The following CACNA1E variants were observed in gnomAD, a reference collection of about 807,000 sequenced individuals.
CACNA1E encodes the protein voltage-dependent R-type calcium channel subunit alpha-1E.
A neutral mutation model predicts 259.2 loss-of-function variants in CACNA1E; 40 were observed. The ratio of observed to expected loss-of-function variants is 0.15; its 90% CI spans 0.12 to 0.20. The LOEUF (loss-of-function observed/expected upper bound fraction) is 0.20. Among genes scored for constraint, CACNA1E ranks in the 10% least tolerant of loss-of-function variants. CACNA1E has a pLI of 1.00. For missense variants in CACNA1E, 1,874 were observed against 3,040.1 expected, an observed-to-expected ratio of 0.62 and a Z score of 9.02; for synonymous variants, 1,104 against 1,138.5, an observed-to-expected ratio of 0.97 and a Z score of 0.61.
chr1:181,756,183 C>A, intron 29 of CACNA1E, 90 bp downstream of exon 29: 1 of 1,285,940 alleles, frequency 7.8e-7, no homozygotes, highest in Non-Finnish European at 1.1e-6. Flanking sequence ...AAGGCTCACG[C>A]TTTGTTATTG....
At chr1:181,399,106 C>T (rs1656900714) in intron 1 of CACNA1E, among the ~76,000 whole-genome samples, 1 of 152,152 alleles carries the variant, frequency 6.6e-6, no homozygotes. Flanking sequence ...GTATTGTGAC[C>T]TTTCCGTCCT....
intron 7 of CACNA1E, among the ~76,000 whole-genome samples, chr1:181,683,188 A>G (rs1650164082): frequency 6.6e-6 from 1 of 152,172 alleles, no homozygotes; most frequent in African/African-American, 2.4e-5. Flanking sequence ...GCATCTTTGC[A>G]TTTTCCAGTC....
intron 2 of CACNA1E, among the ~76,000 whole-genome samples, chr1:181,451,287 C>T (rs959644650): frequency 2.0e-5 from 3 of 152,176 alleles, no homozygotes; most frequent in African/African-American, 7.2e-5. Context: ...GGTTAGTGCC[C>T]TTGCCATACC....
At chr1:181,727,401 A>G (rs986423716) in intron 18 of CACNA1E, among the ~76,000 whole-genome samples, 3 of 152,252 alleles carry the variant, frequency 2.0e-5, no homozygotes, top group Non-Finnish European at 2.9e-5. Flanking sequence ...AAAATCACAT[A>G]CAATGAGGAA....
rs185359642 is a variant in CACNA1E, at chr1:181,364,329, C to T, written c.-15+46206C>T. On this transcript the variant is annotated intron_variant, in intron 1 of 11. Coordinates refer to the CACNA1E transcript ENST00000524607. The stretch of plus-strand genomic sequence containing the variant: ...TTACACCACACTTGTTTATGATGCC[C>T]GTCGTTAATTGTCTCTTGTCCTTAG... 1.1e-3 allele frequency among the ~76,000 whole-genome samples: 173 copies of T among 152,298 alleles called. 1 individual carries two copies. The highest frequency in any genetic ancestry group is 1.1e-3 in the Non-Finnish European group (78 of 68,024).
chr1:181,410,558 A>T (rs981496226), intron 1 of CACNA1E, among the ~76,000 whole-genome samples: 5 of 152,148 alleles, frequency 3.3e-5, no homozygotes, highest in Admixed American at 1.3e-4. Flanking sequence ...AGGCTTTATC[A>T]TGTATGCGCT....
intron 3 of CACNA1E, among the ~76,000 whole-genome samples, chr1:181,535,663 T>C (rs2102752706): frequency 6.6e-6 from 1 of 152,028 alleles, no homozygotes; most frequent in Admixed American, 6.6e-5. Context: ...TGGCTGATAG[T>C]GCTTCCAATA....
At chr1:181,794,761 C>T in intron 45 of CACNA1E, 103 bp from the exon 46 acceptor site, 1 of 980,022 alleles carries the variant, frequency 1.0e-6, no homozygotes, top group Admixed American at 2.7e-5. Flanking sequence ...CCAGGGGTTA[C>T]AATTTGCCTT....
chr1:181,776,494 T>G lies in CACNA1E; in HGVS notation c.5267+266T>G. 1 of 362,274 alleles carries G rather than the reference T, an allele frequency of 2.8e-6. No homozygotes were observed. Among genetic ancestry groups the G allele is most frequent in the Non-Finnish European group, 5.0e-6 (1 of 198,134 alleles). 22.4% of individuals were successfully genotyped at this position (362,274 alleles called of 1,614,324 possible). The stretch of plus-strand genomic sequence containing the variant: ...TCATCCAGTCCTCACCTCAGATTAT[T>G]TGGGCTCAGTCCCAAGAGAACTTTC... On this transcript the variant is annotated intron_variant, in intron 38 of 47. Transcript: ENST00000367573. This position sits in a 1 kb window ranked among gnomAD's most constrained non-coding sequence, Gnocchi z 4.4.
chr1:181,440,160 C>T (rs1212560466), intron 2 of CACNA1E, among the ~76,000 whole-genome samples: 1 of 152,180 alleles, frequency 6.6e-6, no homozygotes, highest in Non-Finnish European at 1.5e-5. Flanking sequence ...AAAATGATCT[C>T]CAGCATTGGG....
At chr1:181,589,378 GAC>G (rs1652402947) in intron 6 of CACNA1E, among the ~76,000 whole-genome samples, 1 of 152,200 alleles carries the variant, frequency 6.6e-6, no homozygotes, top group African/African-American at 2.4e-5. Context: ...TAAAGTGATT[GAC>G]ACACAGTGGG....
chr1:181,724,413 A>T, intron 16 of CACNA1E, 57 bp from the exon 17 acceptor site: 1 of 1,435,964 alleles, frequency 7.0e-7, no homozygotes, highest in Non-Finnish European at 9.7e-7. Flanking sequence ...GTGGCCTCTC[A>T]GCCTTGCTGA....
intron 3 of CACNA1E, among the ~76,000 whole-genome samples, chr1:181,522,569 A>C (rs932229054): frequency 1.3e-5 from 2 of 152,234 alleles, no homozygotes; most frequent in Non-Finnish European, 2.9e-5. Flanking sequence ...ATGACACATC[A>C]TGATGCTGAA....
intron 1 of CACNA1E, among the ~76,000 whole-genome samples, chr1:181,322,682 C>T (rs1650452921): frequency 1.3e-5 from 2 of 152,302 alleles, no homozygotes; most frequent in African/African-American, 2.4e-5. Flanking sequence ...GAATGGGGCT[C>T]CTCCAAGGAA....
intron 42 of CACNA1E, 25 bp from the exon 43 acceptor site, chr1:181,785,688 C>G: frequency 1.3e-6 from 2 of 1,492,574 alleles, no homozygotes; most frequent in Non-Finnish European, 1.9e-6. Context: ...GAATTCTTTC[C>G]TTCTTCTTCC....
intron 4 of CACNA1E, among the ~76,000 whole-genome samples, chr1:181,578,824 C>T (rs1241255105): frequency 2.6e-5 from 4 of 152,208 alleles, no homozygotes; most frequent in Admixed American, 6.5e-5. Context: ...GCTTCCCCAA[C>T]AGAGACTGAG....
upstream of CACNA1E, among the ~76,000 whole-genome samples, chr1:181,482,733 G>C (rs1228589160): frequency 6.6e-6 from 1 of 152,268 alleles, no homozygotes; most frequent in Non-Finnish European, 1.5e-5. Flanking sequence ...AGCCGTTAGT[G>C]AGGAAGTTCG....
intron 18 of CACNA1E, among the ~76,000 whole-genome samples, chr1:181,728,667 G>T (rs1340306767): frequency 1.3e-5 from 2 of 152,168 alleles, no homozygotes; most frequent in Non-Finnish European, 2.9e-5. Context: ...CTACATAGGT[G>T]TGTGTCCTCT....
chr1:181,524,938 A>G (rs1237071560), intron 3 of CACNA1E, among the ~76,000 whole-genome samples: 1 of 152,192 alleles, frequency 6.6e-6, no homozygotes, highest in African/African-American at 2.4e-5. Flanking sequence ...GATGCATAGG[A>G]GATATATAAT....
Sources: allele counts gnomAD v4.1 joint callset (sites outside exome capture counted in the v4.1 genomes callset), GRCh38; gene constraint gnomAD v4.1.1; non-coding constraint Gnocchi (gnomAD v3.1); transcripts MANE v1.5; gene names NCBI Gene and HGNC (gene_info 2026-07-23, HGNC 2026-07-21).